The following LRBA variants were observed in gnomAD, a reference collection of about 807,000 sequenced individuals.
LRBA encodes lipopolysaccharide-responsive and beige-like anchor protein.
LRBA carries 176 observed loss-of-function variants against 330.0 expected under a neutral mutation model. The ratio of observed to expected loss-of-function variants is 0.53; its 90% CI spans 0.47 to 0.60. The LOEUF is 0.60. Ranked by LOEUF, LRBA falls within the 20% of genes least tolerant of loss-of-function variation. LRBA has a pLI of 0.00. For missense variants in LRBA, 3,259 were observed against 3,444.8 expected (o/e 0.95, Z 1.35); for synonymous variants, 1,230 against 1,193.0 (o/e 1.03, Z -0.64).
At chr4:150,696,947 G>C (rs1008230295) in intron 36 of LRBA, among the ~76,000 whole-genome samples, 1 of 151,336 alleles carries the variant, frequency 6.6e-6, no homozygotes, top group Admixed American at 6.6e-5. Flanking sequence ...CCAGGAAGTT[G>C]AGGCTGTACT....
At chr4:150,410,056 AC>A (rs1288322704) in intron 47 of LRBA, among the ~76,000 whole-genome samples, 9 of 152,156 alleles carry the variant, frequency 5.9e-5, no homozygotes, top group African/African-American at 1.9e-4. Context: ...AACAAAAAAA[AC>A]AATTTGAAAA....
chr4:150,798,992 C>T (rs1332522124), intron 33 of LRBA, among the ~76,000 whole-genome samples: 1 of 152,080 alleles, frequency 6.6e-6, no homozygotes, highest in African/African-American at 2.4e-5. Flanking sequence ...CATCCTATTG[C>T]CTTCTTTTTT....
At chr4:150,737,983 CTTTTTTTT>C (rs774453122) in intron 35 of LRBA, among the ~76,000 whole-genome samples, 3 of 112,156 alleles carry the variant, frequency 2.7e-5, no homozygotes, top group East Asian at 5.1e-4. Flanking sequence ...TTCTCTGAAT[CTTTTTTTT>C]TTTTTTTTTT....
At chr4:150,919,447 T>C (rs1302003967) in intron 5 of LRBA, among the ~76,000 whole-genome samples, 1 of 152,226 alleles carries the variant, frequency 6.6e-6, no homozygotes, top group East Asian at 1.9e-4. Context: ...TATGTATACA[T>C]ATTATACATA....
intron 47 of LRBA, 36 bp downstream of exon 47, chr4:150,415,402 G>A (rs1219180697): frequency 6.3e-7 from 1 of 1,596,582 alleles, no homozygotes; most frequent in Non-Finnish European, 8.6e-7. Flanking sequence ...TTGAGCAAAA[G>A]CTCATGACAG....
intron 54 of LRBA, among the ~76,000 whole-genome samples, chr4:150,285,384 T>A (rs1748019300): frequency 6.6e-6 from 1 of 152,206 alleles, no homozygotes; most frequent in Non-Finnish European, 1.5e-5. Context: ...GGCCTAAATA[T>A]ATAATGCTGT....
At position 150,868,279 on chromosome 4, in the gene LRBA, G is replaced by T. The variant is rs183837092; in HGVS notation, c.2476C>A (p.Leu826Ile). 8 of 1,611,778 alleles carry T rather than the reference G, an allele frequency of 5.0e-6. No homozygotes were observed. In the Admixed American group the frequency reaches 1.3e-4, roughly 27 times the overall value. ...PQILKVIATL[L>I]RNSPQCPESM... is the part of the protein sequence containing the mutation. ...TCTGGGCACTGGGGAGAATTTCGAA[G>T]TAGGGTCGCAATTACTTTTAGTATC... is the stretch of plus-strand genomic sequence containing the variant. Residue 826 changes from leucine (L) to isoleucine (I), a missense_variant, in exon 21 of 57, where the codon CTT (leucine) becomes ATT (isoleucine). By Grantham distance (5) the Leu-to-Ile change is conservative (BLOSUM62 2). Transcript: ENST00000651943.
chr4:150,355,393 T>G (rs1295246103), intron 47 of LRBA, among the ~76,000 whole-genome samples: 1 of 152,064 alleles, frequency 6.6e-6, no homozygotes, highest in Non-Finnish European at 1.5e-5. Context: ...ATGCTAATAT[T>G]TACTTATTCT....
rs1306726222 is a variant in LRBA at position 150,264,719 on chromosome 4, G to GAATT, written c.*999_*1002dup. 2 of 152,592 alleles carry GAATT rather than the reference G, an allele frequency of 1.3e-5. No individual in the cohort carries two copies. Among genetic ancestry groups the GAATT allele is most frequent in the Non-Finnish European group, 2.9e-5 (2 of 68,042 alleles). The allele number at this position is 152,592 out of a possible 1,614,324, so 9.5% of individuals were successfully genotyped here. A position where few individuals can be genotyped will look rare whatever the true frequency, so the allele number is the denominator to read the frequency against. ...GGCCTTTTCTCAAATATTTTTCACA[G>GAATT]AATTCCACACAGTAATCTACTAGAA... is the stretch of plus-strand genomic sequence containing the variant. On this transcript the variant is annotated 3_prime_UTR_variant, in exon 57 of 57. Coordinates refer to ENST00000651943, the MANE Select transcript of LRBA (RefSeq NM_001364905.1).
chr4:150,999,699 T>A (rs1350409012), intron 2 of LRBA, among the ~76,000 whole-genome samples: 1 of 148,808 alleles, frequency 6.7e-6, no homozygotes, highest in Non-Finnish European at 1.5e-5. Flanking sequence ...AATGACAAAT[T>A]TAAAAAACAA....
chr4:150,723,353 T>G (rs1729196825), intron 36 of LRBA, among the ~76,000 whole-genome samples: 1 of 152,310 alleles, frequency 6.6e-6, no homozygotes, highest in South Asian at 2.1e-4. Flanking sequence ...ACTTGCATTT[T>G]GGATACCAGC....
intron 46 of LRBA, chr4:150,423,337 T>C (rs369026352): frequency 9.9e-6 from 7 of 706,736 alleles, no homozygotes; most frequent in East Asian, 2.5e-5. Context: ...CTCTGCGGAC[T>C]GTGAGGAGGC....
chr4:150,487,193 C>T (rs547969205), intron 42 of LRBA, among the ~76,000 whole-genome samples: 10 of 151,126 alleles, frequency 6.6e-5, no homozygotes, highest in Admixed American at 1.3e-4. Flanking sequence ...TCTGGTTATA[C>T]GTGTGTGTAC....
chr4:150,719,628 C>T (rs1394185339), intron 36 of LRBA, among the ~76,000 whole-genome samples: 1 of 152,084 alleles, frequency 6.6e-6, no homozygotes, highest in Admixed American at 6.6e-5. Flanking sequence ...AGCAACAAAG[C>T]TTAGTTCTTA....
chr4:150,349,482 T>C, intron 48 of LRBA, among the ~76,000 whole-genome samples: 1 of 152,172 alleles, frequency 6.6e-6, no homozygotes, highest in East Asian at 1.9e-4. Context: ...GTTTTAAGTG[T>C]TTTACTTGAG....
chr4:150,687,637 G>A (rs533804690), intron 36 of LRBA, among the ~76,000 whole-genome samples: 14 of 151,948 alleles, frequency 9.2e-5, no homozygotes, highest in Non-Finnish European at 2.1e-4. Context: ...CTCAATATAG[G>A]ATAAATAAAC....
At chr4:150,392,447 T>G (rs181688827) in intron 47 of LRBA, among the ~76,000 whole-genome samples, 1 of 152,296 alleles carries the variant, frequency 6.6e-6, no homozygotes, top group East Asian at 1.9e-4. Flanking sequence ...AATTCCATCA[T>G]GACGGCTCCA....
intron 34 of LRBA, among the ~76,000 whole-genome samples, chr4:150,775,495 ACACAC>A (rs752303450): frequency 0.16 from 3,178 of 19,270 alleles, 81 homozygotes; most frequent in Middle Eastern, 0.33. Flanking sequence ...ACACACACAC[ACACAC>A]ACAGTGATTG....
At chr4:150,345,902 C>T (rs973584877) in intron 48 of LRBA, among the ~76,000 whole-genome samples, 3 of 152,010 alleles carry the variant, frequency 2.0e-5, no homozygotes, top group African/African-American at 7.3e-5. Context: ...ACCTCCTGGG[C>T]TCAAGCAATC....
Sources: gnomAD v4.1 joint callset for allele counts (sites outside exome capture counted in the v4.1 genomes callset) on GRCh38, gnomAD v4.1.1 for gene constraint, MANE v1.5 for transcripts, NCBI Gene and HGNC (gene_info 2026-07-23, HGNC 2026-07-21) for gene names.